The following ING5 variants were observed in gnomAD, a reference collection of about 807,000 sequenced individuals.
ING5 encodes inhibitor of growth protein 5.
A neutral mutation model predicts 37.4 loss-of-function variants in ING5; 17 were observed. The ratio of observed to expected loss-of-function variants is 0.45; its 90% confidence interval spans 0.31 to 0.68. The LOEUF (loss-of-function observed/expected upper bound fraction) is 0.68, where lower values mean the gene tolerates loss of function less well. Ranked by LOEUF, ING5 falls within the 30% of genes least tolerant of loss-of-function variation. The pLI is 0.05. For synonymous variants in ING5, 123 were observed against 116.6 expected (o/e 1.06, Z -0.36); for missense variants, 233 against 311.9 (o/e 0.75, Z 1.91).
intron 5 of ING5, chr2:241,712,317 T>G (rs996985050): frequency 2.4e-6 from 1 of 418,048 alleles, no homozygotes; most frequent in Non-Finnish European, 4.3e-6. Flanking sequence ...GTGGTGCGGC[T>G]GGGCTGCACC....
In ING5 at chr2:241,725,339, G is replaced by C; in HGVS notation, c.*308G>C. The C allele has an allele frequency of 2.5e-6, 1 of 403,004 alleles. No individual in the cohort carries two copies. 25.0% of individuals were successfully genotyped at this position (403,004 alleles called of 1,614,324 possible). On this transcript the variant is annotated 3_prime_UTR_variant, in exon 8 of 8. Transcript: ENST00000313552. ...GGGCTGCCCGGCCGGGCGTGCGGGC[G>C]GGGACATGGTAACCTGGTCCACGGA...
At chr2:241,701,854 C>T (rs1169393856), upstream of ING5, among the ~76,000 whole-genome samples, 4 of 151,948 alleles carry the variant, frequency 2.6e-5, no homozygotes, top group Middle Eastern at 0.01. Context: ...GGCCCTGGGT[C>T]CTGCTCGCTG....
chr2:241,722,568 A>G (rs998785075), intron 5 of ING5: 4 of 985,382 alleles, frequency 4.1e-6, no homozygotes, highest in Non-Finnish European at 4.8e-6. Flanking sequence ...ATCAGCTGAC[A>G]ATCTGTTCGT....
chr2:241,693,934 C>T (rs1031752065), intron 2 of ING5, among the ~76,000 whole-genome samples: 4 of 151,466 alleles, frequency 2.6e-5, no homozygotes, highest in Non-Finnish European at 4.4e-5. Flanking sequence ...GCTGGGATTA[C>T]AGGCATGAGC....
At position 241,724,783 on chromosome 2, in the gene ING5, G is replaced by C. The variant is rs4425107; in HGVS notation, c.681-206G>C. 1 of 588,858 alleles carries C rather than the reference G, an allele frequency of 1.7e-6. No individual in the cohort carries two copies. Among genetic ancestry groups the C allele is most frequent in the Admixed American group, 3.0e-5 (1 of 33,422 alleles). The allele number at this position is 588,858 out of a possible 1,614,324, so 36.5% of individuals were successfully genotyped here. ...TTGCTCATTGATGGTGTATCTGTCAGCTTCAGAACCGGCGTCCTGCATAGA... is the reference window on the plus strand; with the variant it reads ...TTGCTCATTGATGGTGTATCTGTCACCTTCAGAACCGGCGTCCTGCATAGA... On this transcript the variant is annotated intron_variant, in intron 7 of 7. Transcript: ENST00000313552.
Position 241,711,691 on chromosome 2 carries a change from A to G in ING5, c.388+203A>G, listed in dbSNP as rs2070115752. 7.1e-5 allele frequency: 41 copies of G among 579,300 alleles called. No homozygotes were observed. In the East Asian group the frequency reaches 1.2e-3, roughly 17 times the overall value. The allele number at this position is 579,300 out of a possible 1,614,324, so 35.9% of individuals were successfully genotyped here. On this transcript the variant is annotated intron_variant, in intron 4 of 7. Coordinates refer to ENST00000313552, the MANE Select transcript of ING5 (RefSeq NM_032329.6). ...TGAGGCAGGAGGATCACTTGAGGCT[A>G]GGAGTTTGAGACCAACCTGGGCAAC...
In ING5 at chr2:241,727,757, T is replaced by C. The variant is rs531645756; in HGVS notation, c.*2726T>C. 1.3e-5 allele frequency: 2 copies of C among 152,360 alleles called. No homozygotes were observed. Among genetic ancestry groups the C allele is most frequent in the East Asian group, 1.9e-4 (1 of 5,186 alleles). 9.4% of individuals were successfully genotyped at this position (152,360 alleles called of 1,614,324 possible). The stretch of plus-strand genomic sequence containing the variant: ...CAATTTTTCAGAAATGAATTTGATA[T>C]TGCGCTCCACCTTTGAGCTGTTCAC... On this transcript the variant is annotated 3_prime_UTR_variant, in exon 8 of 8. Coordinates refer to ENST00000313552, the MANE Select transcript of ING5 (RefSeq NM_032329.6).
At chr2:241,724,826 G>A (rs548039344) in intron 7 of ING5, 163 bp from the exon 8 acceptor site, 18 of 645,186 alleles carry the variant, frequency 2.8e-5, no homozygotes, top group South Asian at 2.4e-4. Context: ...GTGCATCGGC[G>A]CATTTTCCCT....
At chr2:241,707,445 C>G (rs1310824234) in intron 2 of ING5, among the ~76,000 whole-genome samples, 1 of 152,034 alleles carries the variant, frequency 6.6e-6, no homozygotes, top group Non-Finnish European at 1.5e-5. Context: ...CATGCGCCAC[C>G]ACACCCTGCT....
intron 5 of ING5, chr2:241,720,657 G>A (rs1189671635): frequency 2.2e-5 from 22 of 985,492 alleles, no homozygotes; most frequent in South Asian, 1.9e-4. Flanking sequence ...CATCGGGGCC[G>A]GGCGCGGAAG....
At position 241,725,182 on chromosome 2, in the gene ING5, C is replaced by A; in HGVS notation, c.*151C>A. 3.6e-6 allele frequency: 3 copies of A among 823,594 alleles called. No individual in the cohort carries two copies. Among genetic ancestry groups the A allele is most frequent in the South Asian group, 1.6e-5 (1 of 63,382 alleles). The allele number at this position is 823,594 out of a possible 1,614,324, so 51.0% of individuals were successfully genotyped here. A position where few individuals can be genotyped will look rare whatever the true frequency, so the allele number is the denominator to read the frequency against. On this transcript the variant is annotated 3_prime_UTR_variant, in exon 8 of 8. Coordinates refer to ENST00000313552, the MANE Select transcript of ING5 (RefSeq NM_032329.6). ...CGCTGGATGTTTCCTAGAACAAGAACCACCAAAGCCTGTTCGCACAGAAGG... is the reference window on the plus strand; with the variant it reads ...CGCTGGATGTTTCCTAGAACAAGAAACACCAAAGCCTGTTCGCACAGAAGG...
At chr2:241,724,344 G>A (rs1036964271) in intron 7 of ING5, among the ~76,000 whole-genome samples, 5 of 152,244 alleles carry the variant, frequency 3.3e-5, no homozygotes, top group East Asian at 1.9e-4. Flanking sequence ...ATGGTGCACC[G>A]AGGGTTTTGA....
chr2:241,712,555 A>G (rs1219486944), intron 5 of ING5, among the ~76,000 whole-genome samples: 1 of 152,170 alleles, frequency 6.6e-6, no homozygotes, highest in Admixed American at 6.5e-5. Context: ...ATTTAACTTG[A>G]AGTTTTTTGA....
chr2:241,715,472 ATTTT>A (rs34545938), intron 5 of ING5, among the ~76,000 whole-genome samples: 2 of 70,950 alleles, frequency 2.8e-5, no homozygotes, highest in South Asian at 5.0e-4. Flanking sequence ...CTGGAATAGA[ATTTT>A]TTTTTTTTTT....
chr2:241,705,241 A>AT (rs1306725535), intron 2 of ING5, among the ~76,000 whole-genome samples: 8 of 146,788 alleles, frequency 5.5e-5, no homozygotes, highest in South Asian at 4.4e-4. Context: ...CGCCTGGCTA[A>AT]TTTTTTTTTT....
chr2:241,692,222 A>G (rs1190399683), intron 2 of ING5, among the ~76,000 whole-genome samples: 1 of 152,196 alleles, frequency 6.6e-6, no homozygotes, highest in Admixed American at 6.5e-5. Flanking sequence ...TCTTGTTATA[A>G]GATTACAGTT....
intron 7 of ING5, chr2:241,723,857 A>G: frequency 2.0e-6 from 3 of 1,537,352 alleles, no homozygotes; most frequent in Non-Finnish European, 2.7e-6. Context: ...AAAAAATACA[A>G]AAATTAGCTG....
chr2:241,712,291 A>C (rs2070135625), intron 5 of ING5: 1 of 491,126 alleles, frequency 2.0e-6, no homozygotes, highest in South Asian at 2.7e-5. Context: ...GGACCTGCCC[A>C]GGCTTTAGGG....
intron 7 of ING5, chr2:241,723,890 G>A (rs1029175332): frequency 4.4e-5 from 62 of 1,404,080 alleles, no homozygotes; most frequent in Middle Eastern, 2.2e-4. Flanking sequence ...CGTGCCTGTG[G>A]TCCCAACTAC....
Sources: gnomAD v4.1 joint callset for allele counts (sites outside exome capture counted in the v4.1 genomes callset) on GRCh38, gnomAD v4.1.1 for gene constraint, MANE v1.5 for transcripts, NCBI Gene and HGNC (gene_info 2026-07-23, HGNC 2026-07-21) for gene names.